The following SIPA1L1 variants were observed in gnomAD, a reference collection of about 807,000 sequenced individuals.
SIPA1L1 encodes signal-induced proliferation-associated 1-like protein 1.
A neutral mutation model predicts 162.7 loss-of-function variants in SIPA1L1; 26 were observed. The ratio of observed to expected loss-of-function variants is 0.16; its 90% CI spans 0.12 to 0.22. The LOEUF (loss-of-function observed/expected upper bound fraction) is 0.22, where lower values mean the gene tolerates loss of function less well. SIPA1L1 is among the 10% of genes least tolerant of loss of function. The probability of loss-of-function intolerance (pLI) is 1.00; values close to 1 mark genes in which losing one functional copy is unlikely to be tolerated. For missense variants in SIPA1L1, 1,874 were observed against 2,241.0 expected (o/e 0.84, Z 3.31); for synonymous variants, 829 against 837.4 (o/e 0.99, Z 0.17).
At position 71,477,791 on chromosome 14, in the gene SIPA1L1, TA is replaced by T. The variant is rs550728817; in HGVS notation, c.-464-34940del. Among the ~76,000 whole-genome samples the T allele has an allele frequency of 3.8e-3, 552 of 143,840 alleles. 2 individuals are homozygous for T. The highest frequency in any genetic ancestry group is 8.1e-3 in the South Asian group (36 of 4,470). The allele number at this position is 143,840 out of a possible 152,430, so 94.4% of individuals were successfully genotyped here. ...TTGGTTTGTTCTACTTTGGAGGTATTAAAAAAAAAAAAGCTACTGTGAACAT... is the reference window on the plus strand; with the variant it reads ...TTGGTTTGTTCTACTTTGGAGGTATTAAAAAAAAAAAGCTACTGTGAACAT... On this transcript the variant is annotated intron_variant, in intron 2 of 23. Transcript: ENST00000381232.
chr14:71,367,961 T>C (rs1483245480), intron 2 of SIPA1L1, among the ~76,000 whole-genome samples: 1 of 150,694 alleles, frequency 6.6e-6, no homozygotes, highest in East Asian at 1.9e-4. Flanking sequence ...TATTAAAAGA[T>C]TTATTTCCGG....
chr14:71,402,185 A>C (rs2041716860), intron 2 of SIPA1L1, among the ~76,000 whole-genome samples: 1 of 152,136 alleles, frequency 6.6e-6, no homozygotes, highest in Non-Finnish European at 1.5e-5. Context: ...ATTAGATGAA[A>C]TAATGAGTCT....
intron 20 of SIPA1L1, among the ~76,000 whole-genome samples, chr14:71,732,749 A>T (rs555138431): frequency 2.0e-3 from 297 of 152,100 alleles, no homozygotes; most frequent in African/African-American, 7.0e-3. Context: ...CCCTAAAATC[A>T]CCTTCCTGTC....
intron 19 of SIPA1L1, 123 bp downstream of exon 19, chr14:71,724,958 C>G (rs2084091253): frequency 1.2e-6 from 1 of 809,182 alleles, no homozygotes; most frequent in Non-Finnish European, 2.0e-6. Flanking sequence ...AGTCTCACTT[C>G]CTGCTATCAT....
intron 2 of SIPA1L1, among the ~76,000 whole-genome samples, chr14:71,390,962 A>C (rs144606408): frequency 1.4e-4 from 21 of 152,236 alleles, no homozygotes; most frequent in African/African-American, 4.8e-4. Context: ...TTTTAAATAT[A>C]TGTATCTAAT....
At chr14:71,616,903 A>C (rs1184353831) in intron 5 of SIPA1L1, among the ~76,000 whole-genome samples, 1 of 152,130 alleles carries the variant, frequency 6.6e-6, no homozygotes, top group Non-Finnish European at 1.5e-5. Context: ...GCAGCAGAGA[A>C]CTGCCATGCC....
chr14:71,620,070 T>A lies in SIPA1L1; in HGVS notation c.1629+1183T>A, dbSNP rs192747675. 2.8e-3 allele frequency among the ~76,000 whole-genome samples: 426 copies of A among 152,290 alleles called. 1 individual carries two copies. The highest frequency in any genetic ancestry group is 9.5e-3 in the African/African-American group (396 of 41,562). Reference sequence around the variant, plus strand: ...CTTCCCAGATCCTAACAGTTTAGTTTGTTTGTTTGTTTGTTTTTGAGACAG... The same window carrying A: ...CTTCCCAGATCCTAACAGTTTAGTTAGTTTGTTTGTTTGTTTTTGAGACAG... On this transcript the variant is annotated intron_variant, in intron 6 of 23. Coordinates refer to ENST00000381232, the MANE Select transcript of SIPA1L1 (RefSeq NM_001386936.1).
Position 71,671,642 on chromosome 14 carries a change from G to A in SIPA1L1, c.2779G>A (p.Gly927Ser). ...TGAACGAGGAGAATGTGTTTCAGTG[G>A]GTAGTTTTATTAACATTGAGGAGAT... ...FYERGECVSVGSFINIEEIKE... is the reference protein window; with the variant it reads ...FYERGECVSVSSFINIEEIKE... Residue 927 changes from glycine (G) to serine (S), a missense_variant, in exon 11 of 24, where the codon GGT (glycine) becomes AGT (serine). By Grantham distance (56) the Gly-to-Ser change is moderately conservative. Transcript: ENST00000381232. 1 of 1,613,308 alleles carries A rather than the reference G, an allele frequency of 6.2e-7. No individual in the cohort carries two copies. Among genetic ancestry groups the A allele is most frequent in the Non-Finnish European group, 8.5e-7 (1 of 1,179,604 alleles).
rs905430228 is a variant in SIPA1L1 at position 71,320,500 on chromosome 14, A to G, written c.-528A>G. The stretch of plus-strand genomic sequence containing the variant: ...CAGTGCGTGCGTGAGCGAGTGAGCG[A>G]AAAGTCAGTGCAGCGCCGAGTCCCC... On this transcript the variant is annotated 5_prime_UTR_variant, in exon 1 of 24. Transcript: ENST00000381232. 3.3e-5 allele frequency: 5 copies of G among 152,164 alleles called. No homozygotes were observed. The highest frequency in any genetic ancestry group is 3.3e-3 in the Middle Eastern group (1 of 300). The allele number at this position is 152,164 out of a possible 1,614,324, so 9.4% of individuals were successfully genotyped here.
At chr14:71,445,051 T>C (rs1448380050) in intron 2 of SIPA1L1, among the ~76,000 whole-genome samples, 1 of 152,216 alleles carries the variant, frequency 6.6e-6, no homozygotes, top group Non-Finnish European at 1.5e-5. Flanking sequence ...ATATGAACTT[T>C]AGAAGCATTT....
At chr14:71,366,950 A>G (rs1007456642) in intron 2 of SIPA1L1, among the ~76,000 whole-genome samples, 1 of 152,196 alleles carries the variant, frequency 6.6e-6, no homozygotes, top group Non-Finnish European at 1.5e-5. Context: ...CAAGAAATAT[A>G]TAAATATGGT....
chr14:71,504,678 A>G (rs1257503042), intron 2 of SIPA1L1, among the ~76,000 whole-genome samples: 1 of 152,248 alleles, frequency 6.6e-6, no homozygotes, highest in East Asian at 1.9e-4. Flanking sequence ...GCACATTGCT[A>G]AGATGCCAGG....
chr14:71,415,350 T>C (rs1271101202), intron 2 of SIPA1L1, among the ~76,000 whole-genome samples: 2 of 152,256 alleles, frequency 1.3e-5, no homozygotes, highest in Non-Finnish European at 2.9e-5. Context: ...ATCATTCTTC[T>C]TTAATAGAGG....
intron 2 of SIPA1L1, among the ~76,000 whole-genome samples, chr14:71,378,976 A>G (rs923294052): frequency 1.3e-5 from 2 of 152,124 alleles, no homozygotes; most frequent in Non-Finnish European, 2.9e-5. Flanking sequence ...TGCCATTTCA[A>G]TGGTAGTCCC....
chr14:71,417,878 A>T lies in SIPA1L1; in HGVS notation c.-464-94865A>T, dbSNP rs190746184. On this transcript the variant is annotated intron_variant, in intron 2 of 23. Transcript: ENST00000381232. ...AATCTTCCTTTCATCTTTGGCTGTGACTAGTTTGAATTGAGTTTGACATGG... is the reference window on the plus strand; with the variant it reads ...AATCTTCCTTTCATCTTTGGCTGTGTCTAGTTTGAATTGAGTTTGACATGG... Among the ~76,000 whole-genome samples the T allele has an allele frequency of 4.8e-3, 734 of 152,270 alleles. 15 individuals are homozygous for T. Among genetic ancestry groups the T allele is most frequent in the Non-Finnish European group, 1.8e-3 (125 of 68,018 alleles).
At chr14:71,585,050 G>A (rs1324443080) in intron 4 of SIPA1L1, among the ~76,000 whole-genome samples, 2 of 150,698 alleles carry the variant, frequency 1.3e-5, no homozygotes, top group Admixed American at 6.6e-5. Flanking sequence ...AGTTTAATAA[G>A]TGCAAAGCAT....
intron 19 of SIPA1L1, among the ~76,000 whole-genome samples, chr14:71,726,439 G>GT (rs2084250629): frequency 6.6e-6 from 1 of 152,200 alleles, no homozygotes; most frequent in African/African-American, 2.4e-5. Flanking sequence ...CCTGAAGGGA[G>GT]TTTTTCTTCC....
At chr14:71,718,206 G>A (rs772614514) in intron 17 of SIPA1L1, among the ~76,000 whole-genome samples, 5 of 152,152 alleles carry the variant, frequency 3.3e-5, no homozygotes, top group African/African-American at 9.7e-5. Context: ...CCCAGGTGAC[G>A]CTCACAGGCC....
chr14:71,712,075 A>G (rs763590552), intron 17 of SIPA1L1, among the ~76,000 whole-genome samples: 1 of 152,218 alleles, frequency 6.6e-6, no homozygotes, highest in African/African-American at 2.4e-5. Flanking sequence ...AATCACAGCA[A>G]ATTAGAGTGT....
Sources: gnomAD v4.1 joint callset for allele counts (sites outside exome capture counted in the v4.1 genomes callset) on GRCh38, gnomAD v4.1.1 for gene constraint, MANE v1.5 for transcripts, NCBI Gene and HGNC (gene_info 2026-07-23, HGNC 2026-07-21) for gene names.